Variants in ATP7A observed in about 807,000 individuals in gnomAD.
ATP7A encodes ATPase copper transporting alpha.
A neutral mutation model predicts 83.5 loss-of-function variants in ATP7A; 7 were observed. That is an observed-to-expected ratio of 0.08 (90% CI 0.05 to 0.16). The LOEUF (loss-of-function observed/expected upper bound fraction) is 0.16. Ranked by LOEUF, ATP7A falls within the 10% of genes least tolerant of loss-of-function variation. The pLI is 1.00. For missense variants in ATP7A, 940 were observed against 1,120.8 expected, an observed-to-expected ratio of 0.84 and a Z score of 2.30; for synonymous variants, 354 against 395.2, an observed-to-expected ratio of 0.90 and a Z score of 1.24.
intron 1 of ATP7A, chrX:77,964,344 G>C (rs2077491651): frequency 8.9e-6 from 1 of 111,859 alleles, no homozygotes; most frequent in Non-Finnish European, 1.9e-5. Context: ...ATATTCTGAA[G>C]CTCCACAATG....
chrX:77,982,648 A>G (rs1286542930), intron 2 of ATP7A, among the ~76,000 whole-genome samples: 1 of 112,631 alleles, frequency 8.9e-6, no homozygotes, highest in Non-Finnish European at 1.9e-5. Flanking sequence ...TGCTCAAATC[A>G]TAGGCATAGA....
chrX:78,028,921 T>A (rs1302303092), intron 14 of ATP7A, among the ~76,000 whole-genome samples: 1 of 112,392 alleles, frequency 8.9e-6, no homozygotes, highest in Non-Finnish European at 1.9e-5. Flanking sequence ...GATTGAGAAT[T>A]CTGTTTATTC....
intron 7 of ATP7A, among the ~76,000 whole-genome samples, chrX:78,010,851 T>C (rs1164904593): frequency 9.0e-6 from 1 of 110,995 alleles, no homozygotes; most frequent in East Asian, 2.8e-4. Flanking sequence ...AGTGCTGGGA[T>C]TACAGGCATG....
intron 12 of ATP7A, among the ~76,000 whole-genome samples, chrX:78,017,816 G>A (rs1211585138): frequency 3.8e-5 from 3 of 79,632 alleles, no homozygotes; most frequent in East Asian, 4.4e-4. Flanking sequence ...TCGCTCTGTC[G>A]CCCAGGCTGG....
chrX:77,974,635 T>C, intron 2 of ATP7A: 1 of 287,727 alleles, frequency 3.5e-6, no homozygotes, highest in Non-Finnish European at 6.1e-6. Flanking sequence ...AATTAAGTTA[T>C]TTCTATTACT....
At chrX:77,947,625 G>C (rs781958883) in intron 1 of ATP7A, among the ~76,000 whole-genome samples, 2 of 108,081 alleles carry the variant, frequency 1.9e-5, no homozygotes, top group South Asian at 8.0e-4. Flanking sequence ...TTTTAGTAGA[G>C]ACGGGTTTCG....
At chrX:77,947,773 C>T (rs1557226347) in intron 1 of ATP7A, among the ~76,000 whole-genome samples, 1 of 75,258 alleles carries the variant, frequency 1.3e-5, no homozygotes, top group Non-Finnish European at 2.4e-5. Context: ...GAGTTTCGCT[C>T]TTGTTGCCCA....
chrX:78,035,710 G>A (rs2078009287), intron 17 of ATP7A, among the ~76,000 whole-genome samples: 1 of 111,415 alleles, frequency 9.0e-6, no homozygotes, highest in African/African-American at 3.3e-5. Flanking sequence ...CTTCCTTACG[G>A]TGTGTCATTT....
At chrX:77,985,372 G>A (rs2077629527) in intron 2 of ATP7A, among the ~76,000 whole-genome samples, 1 of 94,574 alleles carries the variant, frequency 1.1e-5, no homozygotes, top group Admixed American at 1.2e-4. Context: ...GGCTATGTTG[G>A]TAAATTGACA....
chrX:77,918,247 T>A (rs1255275191), intron 1 of ATP7A, among the ~76,000 whole-genome samples: 1 of 109,721 alleles, frequency 9.1e-6, no homozygotes, highest in African/African-American at 3.3e-5. Flanking sequence ...TTAAAATTTT[T>A]TTTTTGTAGA....
intron 11 of ATP7A, 129 bp downstream of exon 11, chrX:78,014,882 C>T: frequency 3.8e-6 from 2 of 528,828 alleles, no homozygotes; most frequent in Non-Finnish European, 3.1e-6. Flanking sequence ...AAATTATCCA[C>T]ATTTTGCCAT....
chrX:77,989,268 C>A lies in ATP7A; in HGVS notation c.646C>A (p.Gln216Lys). Residue 216 changes from glutamine to lysine, a missense_variant, in exon 4 of 23, where the codon CAA becomes AAA. By Grantham distance (53) the Gln-to-Lys change is moderately conservative. Transcript: ENST00000341514. ...LDNQEATIVYQPHLISVEEMK... is the reference protein window; with the variant it reads ...LDNQEATIVYKPHLISVEEMK... ...CAATCAAGAAGCTACTATTGTTTAT[C>A]AACCTCATCTTATCTCAGTAGAGGA... 8.3e-7 allele frequency: 1 copy of A among 1,208,207 alleles called. No homozygotes were observed. Among genetic ancestry groups the A allele is most frequent in the South Asian group, 1.8e-5 (1 of 56,750 alleles).
At position 77,931,896 on chromosome X, in the gene ATP7A, C is replaced by T. The variant is rs782531279; in HGVS notation, c.-22+21061C>T. 5.2e-4 allele frequency among the ~76,000 whole-genome samples: 43 copies of T among 82,650 alleles called. No individual in the cohort carries two copies. The East Asian group carries it at 0.014, about 28-fold the overall frequency. The allele number at this position is 82,650 out of a possible 115,157, so 71.8% of individuals were successfully genotyped here. A position where few individuals can be genotyped will look rare whatever the true frequency, so the allele number is the denominator to read the frequency against. ...CTCCTCACTTCCCAGTAGGGGCGGC[C>T]GGGCAGAGGCGCCCCTCACCTCCCG... On this transcript the variant is annotated intron_variant, in intron 1 of 22. Transcript: ENST00000341514.
chrX:77,980,792 C>G (rs2149078584), intron 2 of ATP7A, among the ~76,000 whole-genome samples: 1 of 111,529 alleles, frequency 9.0e-6, no homozygotes, highest in South Asian at 3.9e-4. Context: ...CCTCAGCCTC[C>G]TGAGTAGCTG....
At chrX:77,966,139 T>C (rs1230693514) in intron 1 of ATP7A, among the ~76,000 whole-genome samples, 1 of 112,411 alleles carries the variant, frequency 8.9e-6, no homozygotes, top group Non-Finnish European at 1.9e-5. Context: ...AATGTGCGAA[T>C]TATATAATAC....
At chrX:78,022,435 C>T (rs1454046456) in intron 14 of ATP7A, among the ~76,000 whole-genome samples, 1 of 111,194 alleles carries the variant, frequency 9.0e-6, no homozygotes, top group Non-Finnish European at 1.9e-5. Context: ...TAAATAAAGT[C>T]TTACTTTGTT....
intron 1 of ATP7A, among the ~76,000 whole-genome samples, chrX:77,967,022 G>A (rs963581207): frequency 1.8e-5 from 2 of 111,175 alleles, no homozygotes; most frequent in East Asian, 5.6e-4. Flanking sequence ...CTGTTCCTGT[G>A]TTAGTCTGCT....
At position 78,037,980 on chromosome X, in the gene ATP7A, G is replaced by GTTTTTTTTTTTTTTTTTTT. The variant is rs782643561; in HGVS notation, c.3512-848_3512-830dup. Among the ~76,000 whole-genome samples the GTTTTTTTTTTTTTTTTTTT allele has an allele frequency of 9.8e-5, 5 of 51,200 alleles. 1 individual carries two copies. Among genetic ancestry groups the GTTTTTTTTTTTTTTTTTTT allele is most frequent in the South Asian group, 1.8e-3 (1 of 555 alleles). 44.5% of individuals were successfully genotyped at this position (51,200 alleles called of 115,157 possible). A position where few individuals can be genotyped will look rare whatever the true frequency, so the allele number is the denominator to read the frequency against. On this transcript the variant is annotated intron_variant, in intron 17 of 22. Transcript: ENST00000341514. ...AGAGAGGTGGGTGAGATCAAGAAAG[G>GTTTTTTTTTTTTTTTTTTT]TTTTTTTTTTTTTTTTTTTTTTTTT...
chrX:77,921,960 A>G (rs997996084), intron 1 of ATP7A, among the ~76,000 whole-genome samples: 1 of 110,744 alleles, frequency 9.0e-6, no homozygotes, highest in African/African-American at 3.3e-5. Context: ...TTTATTTGTT[A>G]GTTTTTAAAT....
Sources: gnomAD v4.1 joint callset for allele counts (sites outside exome capture counted in the v4.1 genomes callset) on GRCh38, gnomAD v4.1.1 for gene constraint, MANE v1.5 for transcripts, NCBI Gene and HGNC (gene_info 2026-07-23, HGNC 2026-07-21) for gene names.